DIP2C: variants seen among roughly 807,000 people sequenced by gnomAD.
DIP2C encodes the protein disco-interacting protein 2 homolog C.
DIP2C carries 33 observed loss-of-function variants against 192.4 expected under a neutral mutation model. The observed-to-expected ratio is 0.17, with a 90% CI of 0.13 to 0.23. The LOEUF (loss-of-function observed/expected upper bound fraction) is 0.23, where lower values mean the gene tolerates loss of function less well. Ranked by LOEUF, DIP2C falls within the 10% of genes least tolerant of loss-of-function variation. The probability of loss-of-function intolerance (pLI) is 1.00; values close to 1 mark genes in which losing one functional copy is unlikely to be tolerated. For missense variants in DIP2C, 1,537 were observed against 2,110.1 expected (o/e 0.73, Z 5.32); for synonymous variants, 979 against 864.1 (o/e 1.13, Z -2.33).
In DIP2C at chr10:323,447, C is replaced by G. The variant is rs867241176; in HGVS notation, c.3924+3559G>C. ...AGAACAGTCAGTCGGGGGTGCGGGG[C>G]TCCAGCGAGAGACCAGCGTTGTTAG... On this transcript the variant is annotated intron_variant, in intron 31 of 36. Transcript: ENST00000280886. Among the ~76,000 whole-genome samples, 31 of 51,118 alleles carry G rather than the reference C, an allele frequency of 6.1e-4. 1 individual carries two copies. Among genetic ancestry groups the G allele is most frequent in the Non-Finnish European group, 1.3e-3 (20 of 15,280 alleles). The allele number at this position is 51,118 out of a possible 152,430, so 33.5% of individuals were successfully genotyped here.
intron 28 of DIP2C, among the ~76,000 whole-genome samples, chr10:344,007 A>G (rs1958288839): frequency 1.3e-5 from 2 of 152,172 alleles, no homozygotes; most frequent in Non-Finnish European, 2.9e-5. Context: ...GGACTTCAGC[A>G]GAGAAACAGG....
At chr10:576,641 G>C (rs572196175) in intron 1 of DIP2C, among the ~76,000 whole-genome samples, 2 of 152,186 alleles carry the variant, frequency 1.3e-5, no homozygotes, top group Non-Finnish European at 1.5e-5. Flanking sequence ...AGGGATGGTG[G>C]CTCAGACCTA....
chr10:618,270 T>G (rs1384189765), intron 1 of DIP2C, among the ~76,000 whole-genome samples: 1 of 152,216 alleles, frequency 6.6e-6, no homozygotes, highest in East Asian at 1.9e-4. Context: ...AAGAAACAGG[T>G]TTTTTTCTGG....
chr10:336,973 GGC>G (rs1177334936), intron 29 of DIP2C, among the ~76,000 whole-genome samples: 5 of 54,050 alleles, frequency 9.3e-5, no homozygotes, highest in Admixed American at 2.3e-4. Context: ...TGGAGGCCTA[GGC>G]AGCTGTGTGT....
intron 1 of DIP2C, among the ~76,000 whole-genome samples, chr10:510,517 C>A (rs752123427): frequency 7.2e-5 from 11 of 152,252 alleles, no homozygotes; most frequent in African/African-American, 1.2e-4. Context: ...AAAGCTCTCG[C>A]CTGCTTTACA....
rs1319506613 is a variant in DIP2C at position 581,059 on chromosome 10, GAGGGCAACACCAAGCCCTTC to G, written c.86-94549_86-94530del. Among the ~76,000 whole-genome samples the G allele has an allele frequency of 3.3e-5, 5 of 152,318 alleles. No homozygotes were observed. The East Asian group carries it at 7.7e-4, about 24-fold the overall frequency. On this transcript the variant is annotated intron_variant, in intron 1 of 36. Transcript: ENST00000280886. ...GTGAGAGAGACCAATGTCCCAGGGT[GAGGGCAACACCAAGCCCTTC>G]AGGGTCAGCTTTTCTAGGAGCGATG...
At chr10:483,873 G>C (rs954299522) in intron 2 of DIP2C, among the ~76,000 whole-genome samples, 1 of 152,028 alleles carries the variant, frequency 6.6e-6, no homozygotes, top group Non-Finnish European at 1.5e-5. Context: ...CTGGAACACA[G>C]TGCCACAATC....
intron 22 of DIP2C, 29 bp downstream of exon 22, chr10:362,461 C>T (rs772777896): frequency 1.9e-6 from 3 of 1,609,396 alleles, no homozygotes; most frequent in Middle Eastern, 1.9e-4. Flanking sequence ...ACTCCCGCAC[C>T]TCACAAGCTG....
chr10:615,603 G>A (rs1393917032), intron 1 of DIP2C, among the ~76,000 whole-genome samples: 3 of 151,742 alleles, frequency 2.0e-5, no homozygotes, highest in African/African-American at 7.3e-5. Context: ...CAGAAGAGAT[G>A]TAGGTTCATA....
intron 1 of DIP2C, among the ~76,000 whole-genome samples, chr10:600,206 C>G (rs1009386103): frequency 6.6e-6 from 1 of 152,174 alleles, no homozygotes; most frequent in Admixed American, 6.5e-5. Context: ...AGAGCCACCC[C>G]AAGCCTCTGC....
rs376371262 is a variant in DIP2C at position 357,851 on chromosome 10, C to T, written c.2881G>A (p.Glu961Lys). Residue 961 changes from glutamate (E) to lysine (K), a missense_variant, in exon 23 of 37, where the codon GAA becomes AAA. Glu to Lys is a moderately conservative substitution (Grantham distance 56). Transcript: ENST00000280886. ...ACCTTGCGTGCCTGGTCGTTATCTT[C>T]GATCTGACCCAGGTCTCTGCCACTG... ...QASGRDLGQI[E>K]DNDQARKFLF... The T allele has an allele frequency of 2.5e-6, 4 of 1,612,406 alleles. No homozygotes were observed. The highest frequency in any genetic ancestry group is 1.3e-5 in the African/African-American group (1 of 74,908).
At chr10:562,807 C>T (rs1459347611) in intron 1 of DIP2C, among the ~76,000 whole-genome samples, 1 of 152,180 alleles carries the variant, frequency 6.6e-6, no homozygotes, top group Admixed American at 6.5e-5. Context: ...AGAGGACACA[C>T]TCAACACAGA....
chr10:449,807 C>G (rs974443841), intron 3 of DIP2C, among the ~76,000 whole-genome samples: 2 of 107,426 alleles, frequency 1.9e-5, no homozygotes, highest in Admixed American at 8.2e-5. Flanking sequence ...AAGAAGTAAA[C>G]ACATTCAGTT....
chr10:400,605 T>C (rs1462638599), intron 9 of DIP2C, among the ~76,000 whole-genome samples: 3 of 151,122 alleles, frequency 2.0e-5, no homozygotes, highest in Non-Finnish European at 2.9e-5. Context: ...GTTTGGTACG[T>C]GTTCATCAGC....
chr10:288,528 T>C, intron 32 of DIP2C, 107 bp from the exon 33 acceptor site: 1 of 1,175,512 alleles, frequency 8.5e-7, no homozygotes. Context: ...GAAAGCTGAT[T>C]CTGAGCATCA....
rs990966468 is a variant in DIP2C at position 345,016 on chromosome 10, G to C, written c.3326C>G (p.Pro1109Arg). The C allele has an allele frequency of 6.2e-7, 1 of 1,612,732 alleles. No individual in the cohort carries two copies. Among genetic ancestry groups the C allele is most frequent in the Non-Finnish European group, 8.5e-7 (1 of 1,179,790 alleles). ...GCACCAACCTGTGTCCAGGATGAGGGGCCACGTCCTGACGTCCACAGCCGC... is the reference window on the plus strand; with the variant it reads ...GCACCAACCTGTGTCCAGGATGAGGCGCCACGTCCTGACGTCCACAGCCGC... The part of the protein sequence containing the change: ...AAAAVDVRTW[P>R]LILDTDDLPK... The change falls in exon 27 of 37, where the codon CCC becomes CGC. Residue 1109 changes from proline to arginine, a missense_variant. Around this residue, in one of 4 missense-constraint regions of DIP2C, gnomAD observed 677 missense variants for 989.9 expected, o/e 0.68. Coordinates refer to ENST00000280886, the MANE Select transcript of DIP2C (RefSeq NM_014974.3).
At chr10:428,872 T>G (rs891353657) in intron 4 of DIP2C, among the ~76,000 whole-genome samples, 1 of 152,156 alleles carries the variant, frequency 6.6e-6, no homozygotes, top group Non-Finnish European at 1.5e-5. Context: ...AGACTTCATC[T>G]TCCTTCTCCA....
At chr10:617,534 T>C (rs1853551366) in intron 1 of DIP2C, among the ~76,000 whole-genome samples, 1 of 152,078 alleles carries the variant, frequency 6.6e-6, no homozygotes, top group African/African-American at 2.4e-5. Flanking sequence ...CTCCCAACAG[T>C]AGCTGTGGAG....
At position 363,443 on chromosome 10, in the gene DIP2C, A is replaced by G; in HGVS notation, c.2478-132T>C. The G allele has an allele frequency of 2.7e-6, 2 of 727,364 alleles. No homozygotes were observed. The highest frequency in any genetic ancestry group is 4.6e-6 in the Non-Finnish European group (2 of 435,158). 45.1% of individuals were successfully genotyped at this position (727,364 alleles called of 1,614,324 possible). A position where few individuals can be genotyped will look rare whatever the true frequency, so the allele number is the denominator to read the frequency against. ...ACTACGACTTCAAAACGGCCGCTGT[A>G]CTTCCGAATTTCCCCACACTCATCA... is the stretch of plus-strand genomic sequence containing the variant. On this transcript the variant is annotated intron_variant, in intron 20 of 36. Coordinates refer to ENST00000280886, the MANE Select transcript of DIP2C (RefSeq NM_014974.3). This position sits in a 1 kb window ranked among gnomAD's most constrained non-coding sequence, Gnocchi z 5.4.
Sources: allele counts gnomAD v4.1 joint callset (sites outside exome capture counted in the v4.1 genomes callset), GRCh38; gene constraint gnomAD v4.1.1; regional missense constraint gnomAD v4.1.1; non-coding constraint Gnocchi (gnomAD v3.1); transcripts MANE v1.5; gene names NCBI Gene and HGNC (gene_info 2026-07-23, HGNC 2026-07-21).